MIPOL1: variants seen among roughly 807,000 people sequenced by gnomAD.
MIPOL1 encodes the protein mirror-image polydactyly gene 1 protein.
In MIPOL1, 57 loss-of-function variants were observed where a neutral mutation model predicts 60.9. That is an observed-to-expected ratio of 0.94 (90% CI 0.76 to 1.17). The LOEUF is 1.17. Ranked by LOEUF, MIPOL1 falls within the 50% of genes most tolerant of loss-of-function variation. MIPOL1 has a pLI of 0.00. For missense variants in MIPOL1, 551 were observed against 511.6 expected (o/e 1.08, Z -0.74); for synonymous variants, 179 against 168.8 (o/e 1.06, Z -0.47).
chr14:37,252,735 A>G (rs1441438044), intron 3 of MIPOL1, among the ~76,000 whole-genome samples: 2 of 151,968 alleles, frequency 1.3e-5, no homozygotes, highest in Non-Finnish European at 2.9e-5. Context: ...TAATTGAATT[A>G]TAACTAAAAC....
intron 9 of MIPOL1, among the ~76,000 whole-genome samples, chr14:37,330,383 A>C (rs1165897126): frequency 6.6e-6 from 1 of 152,108 alleles, no homozygotes; most frequent in Non-Finnish European, 1.5e-5. Context: ...TTTTAGTTAA[A>C]TATTCTAAAC....
intron 11 of MIPOL1, among the ~76,000 whole-genome samples, chr14:37,481,313 A>G (rs2094860447): frequency 6.6e-6 from 1 of 152,152 alleles, no homozygotes; most frequent in East Asian, 1.9e-4. Flanking sequence ...GAATAAATTT[A>G]CCAAAAGGAG....
chr14:37,293,294 C>T (rs1362796954), intron 7 of MIPOL1, among the ~76,000 whole-genome samples: 1 of 152,142 alleles, frequency 6.6e-6, no homozygotes, highest in Admixed American at 6.6e-5. Context: ...TCTTTGCACC[C>T]TGCACCCCCT....
chr14:37,217,738 C>T (rs1967993078), intron 1 of MIPOL1, among the ~76,000 whole-genome samples: 1 of 152,116 alleles, frequency 6.6e-6, no homozygotes, highest in African/African-American at 2.4e-5. Flanking sequence ...AGGAACATAC[C>T]TCAACATAAT....
chr14:37,227,116 C>T (rs1293413956), intron 1 of MIPOL1, among the ~76,000 whole-genome samples: 1 of 152,150 alleles, frequency 6.6e-6, no homozygotes, highest in Non-Finnish European at 1.5e-5. Context: ...CTTAAAACAA[C>T]ACAAATTTAT....
intron 12 of MIPOL1, among the ~76,000 whole-genome samples, chr14:37,501,259 T>C (rs2095211583): frequency 6.6e-6 from 1 of 152,236 alleles, no homozygotes; most frequent in Admixed American, 6.5e-5. Context: ...TTATTCACAA[T>C]GTACGTTAAT....
intron 11 of MIPOL1, among the ~76,000 whole-genome samples, chr14:37,426,906 G>A (rs1259131810): frequency 6.6e-6 from 1 of 151,910 alleles, no homozygotes; most frequent in African/African-American, 2.4e-5. Context: ...CATCTTCCAG[G>A]GAGATTCCAT....
At chr14:37,280,918 T>A (rs2084052851) in intron 6 of MIPOL1, among the ~76,000 whole-genome samples, 2 of 152,198 alleles carry the variant, frequency 1.3e-5, no homozygotes, top group Admixed American at 1.3e-4. Flanking sequence ...TTTGGTATTA[T>A]TCTTTTCATT....
intron 7 of MIPOL1, among the ~76,000 whole-genome samples, chr14:37,292,465 C>CTTTTTTTTTTTTTTTTTT (rs34055899): frequency 1.6e-5 from 1 of 63,442 alleles, no homozygotes; most frequent in Non-Finnish European, 2.8e-5. Flanking sequence ...CCTTAATAAA[C>CTTTTTTTTTTTTTTTTTT]TTTTTTTTTT....
chr14:37,447,074 T>C (rs1174522392), intron 11 of MIPOL1, among the ~76,000 whole-genome samples: 1 of 151,634 alleles, frequency 6.6e-6, no homozygotes, highest in African/African-American at 2.4e-5. Context: ...TAAAGTATAA[T>C]AATAATAAAA....
At chr14:37,333,680 C>T (rs2089904669) in intron 9 of MIPOL1, among the ~76,000 whole-genome samples, 1 of 152,000 alleles carries the variant, frequency 6.6e-6, no homozygotes, top group South Asian at 2.1e-4. Context: ...AAATACATAA[C>T]AATTCTAAGT....
At chr14:37,357,533 C>T (rs149523050) in intron 9 of MIPOL1, among the ~76,000 whole-genome samples, 40 of 152,184 alleles carry the variant, frequency 2.6e-4, no homozygotes, top group African/African-American at 9.6e-4. Context: ...TTTCATATGC[C>T]ACTTTGCCAT....
chr14:37,298,119 C>T (rs2085950861), intron 7 of MIPOL1, among the ~76,000 whole-genome samples: 1 of 152,110 alleles, frequency 6.6e-6, no homozygotes, highest in African/African-American at 2.4e-5. Flanking sequence ...ACCAATGGAA[C>T]AAAATAGAGC....
intron 9 of MIPOL1, among the ~76,000 whole-genome samples, chr14:37,361,610 CTTTTTTTTTTTTTTTTT>C (rs71127213): frequency 9.7e-5 from 8 of 82,550 alleles, no homozygotes; most frequent in Admixed American, 3.4e-4. Flanking sequence ...CCCTCTCTCT[CTTTTTTTTTTTTTTTTT>C]TTTTTTTTTT....
At chr14:37,228,602 T>G (rs1970146197) in intron 1 of MIPOL1, among the ~76,000 whole-genome samples, 1 of 152,160 alleles carries the variant, frequency 6.6e-6, no homozygotes, top group Non-Finnish European at 1.5e-5. Context: ...TTGTATTGGG[T>G]TACCTATGAA....
At chr14:37,469,583 G>T (rs2094649823) in intron 11 of MIPOL1, among the ~76,000 whole-genome samples, 1 of 152,142 alleles carries the variant, frequency 6.6e-6, no homozygotes, top group African/African-American at 2.4e-5. Flanking sequence ...TTAAGATGGT[G>T]ATAATGGGGC....
chr14:37,203,512 A>T (rs1238639280), intron 1 of MIPOL1, among the ~76,000 whole-genome samples: 2 of 152,012 alleles, frequency 1.3e-5, no homozygotes, highest in African/African-American at 2.4e-5. Context: ...CTTGGTATTC[A>T]CTCTTGTGTA....
chr14:37,308,434 T>C lies in MIPOL1; in HGVS notation c.743T>C (p.Ile248Thr), dbSNP rs769556385. Residue 248 changes from isoleucine (I) to threonine (T), a missense_variant, in exon 9 of 13, where the codon ATC (isoleucine) becomes ACC (threonine). Ile to Thr is a moderately conservative substitution (Grantham distance 89). Coordinates refer to ENST00000684589, the MANE Select transcript of MIPOL1 (RefSeq NM_001388067.1). ...QKNGAIIVDRIYKTKECKMRI... is the reference protein window; with the variant it reads ...QKNGAIIVDRTYKTKECKMRI... The stretch of plus-strand genomic sequence containing the variant: ...AATGGAGCTATAATTGTGGATAGAA[T>C]CTACAAGACCAAGGAATGTAAAATG... 6.2e-7 allele frequency: 1 copy of C among 1,606,224 alleles called. No individual in the cohort carries two copies. The highest frequency in any genetic ancestry group is 8.5e-7 in the Non-Finnish European group (1 of 1,177,200).
intron 11 of MIPOL1, among the ~76,000 whole-genome samples, chr14:37,460,186 C>A (rs1011099524): frequency 3.9e-5 from 6 of 152,030 alleles, no homozygotes; most frequent in Admixed American, 2.0e-4. Context: ...GGGTTTCATT[C>A]CAGGGAGGCA....
Sources: gnomAD v4.1 joint callset for allele counts (sites outside exome capture counted in the v4.1 genomes callset) on GRCh38, gnomAD v4.1.1 for gene constraint, MANE v1.5 for transcripts, NCBI Gene and HGNC (gene_info 2026-07-23, HGNC 2026-07-21) for gene names.